The following RPP14 variants were observed in gnomAD, a reference collection of about 807,000 sequenced individuals.
The protein encoded by RPP14 is ribonuclease P protein subunit p14.
RPP14 carries 19 observed loss-of-function variants against 17.8 expected under a neutral mutation model. The ratio of observed to expected loss-of-function variants is 1.07; its 90% CI spans 0.74 to 1.57. The LOEUF is 1.57. Among genes scored for constraint, RPP14 ranks in the 40% most tolerant of loss-of-function variants. The pLI, the probability that RPP14 is intolerant of heterozygous loss-of-function variation, is 0.00. For synonymous variants in RPP14, 60 were observed against 56.4 expected (o/e 1.06, Z -0.29); for missense variants, 125 against 140.8 (o/e 0.89, Z 0.57).
chr3:58,319,300 G>C lies in RPP14; in HGVS notation c.*1804G>C, dbSNP rs188979970. 2 of 152,292 alleles carry C rather than the reference G, an allele frequency of 1.3e-5. No individual in the cohort carries two copies. The highest frequency in any genetic ancestry group is 2.9e-5 in the Non-Finnish European group (2 of 68,032). 9.4% of individuals were successfully genotyped at this position (152,292 alleles called of 1,614,324 possible). ...AGGGGAGGGGCGTATGTGCATCCTC[G>C]GTCTCAGTTATGTAAACGGTCTGAT... is the stretch of plus-strand genomic sequence containing the variant. On this transcript the variant is annotated 3_prime_UTR_variant, in exon 6 of 6. Coordinates refer to ENST00000295959, the MANE Select transcript of RPP14 (RefSeq NM_007042.6).
Position 58,318,066 on chromosome 3 carries a change from G to A in RPP14, c.*570G>A, listed in dbSNP as rs2097490244. On this transcript the variant is annotated 3_prime_UTR_variant, in exon 6 of 6. Transcript: ENST00000295959. ...CATGTTCTGTAATAGAAAGTAAAAA[G>A]ACTGTTATGGAAGGCTGGGTTAAAG... The A allele has an allele frequency of 4.4e-6, 3 of 685,850 alleles. No individual in the cohort carries two copies. Among genetic ancestry groups the A allele is most frequent in the Non-Finnish European group, 5.3e-6 (2 of 379,546 alleles). The allele number at this position is 685,850 out of a possible 1,614,324, so 42.5% of individuals were successfully genotyped here.
intron 4 of RPP14, 103 bp downstream of exon 4, chr3:58,316,694 C>T: frequency 1.8e-6 from 2 of 1,104,352 alleles, no homozygotes; most frequent in South Asian, 2.6e-5. Flanking sequence ...GTTGTGAACT[C>T]TGAGCAGCTT....
chr3:58,307,634 G>A (rs2097476950), intron 1 of RPP14: 1 of 152,158 alleles, frequency 6.6e-6, no homozygotes, highest in Admixed American at 6.5e-5. Flanking sequence ...ACTGAGGAGC[G>A]AGAATTGCTT....
chr3:58,308,051 A>G (rs529144633), intron 1 of RPP14: 1 of 151,314 alleles, frequency 6.6e-6, no homozygotes, highest in South Asian at 2.1e-4. Context: ...AGCCAGCTCC[A>G]TCAAGGCAGT....
At chr3:58,314,910 C>T (rs2097486700) in intron 3 of RPP14, among the ~76,000 whole-genome samples, 1 of 152,030 alleles carries the variant, frequency 6.6e-6, no homozygotes, top group South Asian at 2.1e-4. Flanking sequence ...TGGTCTCAAT[C>T]TCTTGACCTT....
chr3:58,313,028 C>T (rs527594046), intron 3 of RPP14, among the ~76,000 whole-genome samples: 1 of 149,574 alleles, frequency 6.7e-6, no homozygotes, highest in Non-Finnish European at 1.5e-5. Context: ...CTTTGGGAGG[C>T]CAAGGCAGGC....
intron 5 of RPP14, 94 bp downstream of exon 5, chr3:58,317,087 G>A: frequency 1.1e-6 from 1 of 896,376 alleles, no homozygotes; most frequent in Non-Finnish European, 1.8e-6. Flanking sequence ...TTGCATAAAT[G>A]TAATATGGTT....
rs951125821 is a variant in RPP14, at chr3:58,319,785, T to C, written c.*2289T>C. 6.6e-6 allele frequency: 1 copy of C among 152,128 alleles called. No individual in the cohort carries two copies. Among genetic ancestry groups the C allele is most frequent in the Admixed American group, 6.6e-5 (1 of 15,262 alleles). 9.4% of individuals were successfully genotyped at this position (152,128 alleles called of 1,614,324 possible). A position where few individuals can be genotyped will look rare whatever the true frequency, so the allele number is the denominator to read the frequency against. ...GGCCATCCCAACACAGCCAACACTT[T>C]TGTTTCCCATTTTTTTTTGTTTCCC... On this transcript the variant is annotated 3_prime_UTR_variant, in exon 6 of 6. Coordinates refer to ENST00000295959, the MANE Select transcript of RPP14 (RefSeq NM_007042.6).
At position 58,310,318 on chromosome 3, in the gene RPP14, G is replaced by T; in HGVS notation, c.-12G>T. 6.2e-7 allele frequency: 1 copy of T among 1,613,202 alleles called. No homozygotes were observed. Among genetic ancestry groups the T allele is most frequent in the Non-Finnish European group, 8.5e-7 (1 of 1,179,178 alleles). On this transcript the variant is annotated 5_prime_UTR_variant, in exon 2 of 6. Coordinates refer to ENST00000295959, the MANE Select transcript of RPP14 (RefSeq NM_007042.6). ...TCTTGACTTACTGTAGGTGTGATCAGCACTGGAAAAGATGCCTGCCCCTGC... is the reference window on the plus strand; with the variant it reads ...TCTTGACTTACTGTAGGTGTGATCATCACTGGAAAAGATGCCTGCCCCTGC...
rs73835153 is a variant in RPP14, at chr3:58,318,248, A to G, written c.*752A>G. 0.016 allele frequency: 9,435 copies of G among 577,322 alleles called. 719 individuals carry two copies. Among genetic ancestry groups the G allele is most frequent in the African/African-American group, 0.16 (8,474 of 53,472 alleles). The allele number at this position is 577,322 out of a possible 1,614,324, so 35.8% of individuals were successfully genotyped here. A position where few individuals can be genotyped will look rare whatever the true frequency, so the allele number is the denominator to read the frequency against. Reference sequence around the variant, plus strand: ...CCCATCTTAGTTAGGGGAAGGGAGCAGGAAGAGGGTTGTTCAAATGCCCAC... The same window carrying G: ...CCCATCTTAGTTAGGGGAAGGGAGCGGGAAGAGGGTTGTTCAAATGCCCAC... On this transcript the variant is annotated 3_prime_UTR_variant, in exon 6 of 6. Transcript: ENST00000295959.
chr3:58,317,395 A>G (rs1441623811), intron 5 of RPP14, 45 bp from the exon 6 acceptor site: 7 of 1,304,296 alleles, frequency 5.4e-6, no homozygotes, highest in Non-Finnish European at 7.7e-6. Context: ...CCTGTGCTTC[A>G]GTGTGGTTTC....
At chr3:58,310,176 C>A (rs2097480568) in intron 1 of RPP14, 133 bp from the exon 2 acceptor site, 10 of 646,982 alleles carry the variant, frequency 1.5e-5, no homozygotes, top group Non-Finnish European at 2.4e-5. Flanking sequence ...CACTGCACTT[C>A]AGCCTAGGTG....
rs375349060 is a variant in RPP14 at position 58,310,425 on chromosome 3, G to T, written c.77+19G>T. ...TCTGCCTGTAAGTTTAGTTTCCTAA[G>T]TTCTATTTTAGATTACTTTTCTAAC... On this transcript the variant is annotated intron_variant, in intron 2 of 5. Transcript: ENST00000295959. The T allele has an allele frequency of 7.4e-6, 12 of 1,612,174 alleles. No individual in the cohort carries two copies. In the East Asian group the frequency reaches 2.2e-4, roughly 30 times the overall value.
At chr3:58,309,885 CCTT>C (rs776882111) in intron 1 of RPP14, among the ~76,000 whole-genome samples, 5 of 151,898 alleles carry the variant, frequency 3.3e-5, no homozygotes, top group East Asian at 1.9e-4. Flanking sequence ...GAGCAAGACT[CCTT>C]CTCCAAAAAA....
chr3:58,314,928 G>T lies in RPP14; in HGVS notation c.163-1587G>T, dbSNP rs1056800002. 1.4e-4 allele frequency among the ~76,000 whole-genome samples: 22 copies of T among 151,864 alleles called. 1 individual carries two copies. Among genetic ancestry groups the T allele is most frequent in the Admixed American group, 1.4e-3 (22 of 15,200 alleles). On this transcript the variant is annotated intron_variant, in intron 3 of 5. Transcript: ENST00000295959. Reference sequence around the variant, plus strand: ...TCTCAATCTCTTGACCTTGTGATCCGCCTGCCTTGGCCTCCCAAAGTGCTG... The same window carrying T: ...TCTCAATCTCTTGACCTTGTGATCCTCCTGCCTTGGCCTCCCAAAGTGCTG...
rs1305501638 is a variant in RPP14, at chr3:58,319,237, G to A, written c.*1741G>A. The A allele has an allele frequency of 2.6e-5, 4 of 152,180 alleles. No homozygotes were observed. The highest frequency in any genetic ancestry group is 9.7e-5 in the African/African-American group (4 of 41,442). 9.4% of individuals were successfully genotyped at this position (152,180 alleles called of 1,614,324 possible). A position where few individuals can be genotyped will look rare whatever the true frequency, so the allele number is the denominator to read the frequency against. ...ATTGTAATTTGTTATTTACACCAAG[G>A]TGGCATCTTAGTCTACCTTCAGTGA... On this transcript the variant is annotated 3_prime_UTR_variant, in exon 6 of 6. Transcript: ENST00000295959.
At chr3:58,310,645 G>GA in intron 3 of RPP14, 54 bp downstream of exon 3, 1 of 1,502,234 alleles carries the variant, frequency 6.7e-7, no homozygotes, top group Non-Finnish European at 9.1e-7. Context: ...AAGAAATACA[G>GA]AAAGAGGCCG....
intron 1 of RPP14, among the ~76,000 whole-genome samples, chr3:58,307,252 G>A (rs2097476303): frequency 1.3e-5 from 2 of 152,192 alleles, no homozygotes; most frequent in African/African-American, 4.8e-5. Context: ...AAGGACTTTG[G>A]CCTTACTCTG....
chr3:58,308,525 T>C (rs918455734), intron 1 of RPP14, among the ~76,000 whole-genome samples: 2 of 152,108 alleles, frequency 1.3e-5, no homozygotes, highest in African/African-American at 4.8e-5. Flanking sequence ...ACTCCTGGCC[T>C]CCCAAACTGT....
Sources: allele counts gnomAD v4.1 joint callset (sites outside exome capture counted in the v4.1 genomes callset), GRCh38; gene constraint gnomAD v4.1.1; transcripts MANE v1.5; gene names NCBI Gene and HGNC (gene_info 2026-07-23, HGNC 2026-07-21).